The following INTS7 variants were observed in gnomAD, a reference collection of about 807,000 sequenced individuals.
INTS7 encodes integrator complex subunit 7.
Under a neutral mutation model 109.2 loss-of-function variants are expected in INTS7, and 46 were observed. That is an observed-to-expected ratio of 0.42 (90% CI 0.33 to 0.54). INTS7 has a LOEUF of 0.54. Ranked by LOEUF, INTS7 falls within the 20% of genes least tolerant of loss-of-function variation. The pLI, the probability that INTS7 is intolerant of heterozygous loss-of-function variation, is 0.07. For synonymous variants in INTS7, 412 were observed against 402.9 expected, an observed-to-expected ratio of 1.02 and a Z score of -0.27; for missense variants, 929 against 1,132.4, an observed-to-expected ratio of 0.82 and a Z score of 2.58.
Position 211,942,143 on chromosome 1 carries a change from T to C in INTS7, c.2602-32A>G. The stretch of plus-strand genomic sequence containing the variant: ...TGAAACAATTGTTAACTAACAACAA[T>C]GGCTAACATTTCTTCAGTGCTTACT... On this transcript the variant is annotated intron_variant, in intron 19 of 19. Coordinates refer to ENST00000366994, the MANE Select transcript of INTS7 (RefSeq NM_015434.4). The surrounding 1 kb of genome is among the most constrained non-coding windows in gnomAD (Gnocchi z 4.2). The C allele has an allele frequency of 6.2e-7, 1 of 1,602,234 alleles. No individual in the cohort carries two copies. The highest frequency in any genetic ancestry group is 8.5e-7 in the Non-Finnish European group (1 of 1,173,034).
intron 1 of INTS7, among the ~76,000 whole-genome samples, chr1:212,021,956 C>G (rs1666729950): frequency 6.6e-6 from 1 of 152,122 alleles, no homozygotes; most frequent in Non-Finnish European, 1.5e-5. Flanking sequence ...TGGGATGCAA[C>G]TAGAGTAGTG....
rs972427929 is a variant in INTS7 at position 211,956,932 on chromosome 1, G to A, written c.2184-4231C>T. ...TGGAAACATGTTTTCATTTCTCTTC[G>A]GTAGAACAGTAGGAATAGAATTGGT... On this transcript the variant is annotated intron_variant, in intron 16 of 19. Coordinates refer to ENST00000366994, the MANE Select transcript of INTS7 (RefSeq NM_015434.4). 3.9e-5 allele frequency among the ~76,000 whole-genome samples: 6 copies of A among 151,928 alleles called. No homozygotes were observed. The East Asian group carries it at 5.8e-4, about 15-fold the overall frequency.
rs1461665680 is a variant in INTS7 at position 211,946,673 on chromosome 1, A to G, written c.2349T>C (p.Ala783=). 3.7e-6 allele frequency: 6 copies of G among 1,613,612 alleles called. No homozygotes were observed. Among genetic ancestry groups the G allele is most frequent in the Non-Finnish European group, 4.2e-6 (5 of 1,179,536 alleles). The stretch of plus-strand genomic sequence containing the variant: ...GGAAAGAAAGGGGAACTTTCAGCAA[A>G]GCAATGATGGCATTGCAGAGGCATG... ...HTACLCNAII[A]LLKVPLSFQR... is the part of the protein sequence containing the mutation. The change falls in exon 18 of 20, where the codon GCT becomes GCC. Residue 783 remains alanine, a synonymous_variant. Transcript: ENST00000366994. This position sits in a 1 kb window ranked among gnomAD's most constrained non-coding sequence, Gnocchi z 4.3.
chr1:211,948,886 T>C (rs571239862), intron 17 of INTS7, among the ~76,000 whole-genome samples: 4 of 152,306 alleles, frequency 2.6e-5, no homozygotes, highest in South Asian at 2.1e-4. Flanking sequence ...TTTGTATTTT[T>C]AGTAGAGACA....
intron 13 of INTS7, among the ~76,000 whole-genome samples, chr1:211,974,926 C>G (rs1197843720): frequency 1.3e-5 from 2 of 152,198 alleles, no homozygotes; most frequent in Non-Finnish European, 2.9e-5. Flanking sequence ...ACCACTTACC[C>G]ATTCTGCATG....
At chr1:212,011,329 T>C in intron 5 of INTS7, 46 bp downstream of exon 5, 1 of 1,026,890 alleles carries the variant, frequency 9.7e-7, no homozygotes, top group Non-Finnish European at 1.5e-6. Flanking sequence ...GCAACTATTA[T>C]AAATCTAATT....
At chr1:212,017,957 T>A (rs1041404382) in intron 3 of INTS7, among the ~76,000 whole-genome samples, 3 of 152,200 alleles carry the variant, frequency 2.0e-5, no homozygotes, top group Non-Finnish European at 4.4e-5. Flanking sequence ...AACAAATGAC[T>A]ATTAATCTAT....
intron 10 of INTS7, among the ~76,000 whole-genome samples, chr1:211,978,917 C>G (rs1664535294): frequency 6.6e-6 from 1 of 152,036 alleles, no homozygotes; most frequent in African/African-American, 2.4e-5. Context: ...AATATAGATT[C>G]CTGAATTAAC....
chr1:211,995,115 ATTTTCAT>A (rs200769067), intron 7 of INTS7, among the ~76,000 whole-genome samples: 1,687 of 152,268 alleles, frequency 0.011, 31 homozygotes, highest in African/African-American at 0.038. Context: ...AGCCATCATA[ATTTTCAT>A]TCTTAATGTT....
intron 16 of INTS7, among the ~76,000 whole-genome samples, chr1:211,956,610 T>C (rs1165578357): frequency 6.6e-6 from 1 of 152,176 alleles, no homozygotes; most frequent in African/African-American, 2.4e-5. Context: ...CTATTAGTGA[T>C]TTATTTTTTT....
intron 1 of INTS7, among the ~76,000 whole-genome samples, chr1:212,021,475 C>A (rs1452283508): frequency 6.6e-6 from 1 of 151,574 alleles, no homozygotes; most frequent in Non-Finnish European, 1.5e-5. Context: ...AAATAAATCT[C>A]AACACATTTA....
Position 211,972,073 on chromosome 1 carries a change from T to G in INTS7, c.1815+3093A>C, listed in dbSNP as rs188539555. Among the ~76,000 whole-genome samples, 616 of 152,218 alleles carry G rather than the reference T, an allele frequency of 4.0e-3. 12 individuals are homozygous for G. Among genetic ancestry groups the G allele is most frequent in the Non-Finnish European group, 3.4e-3 (231 of 68,002 alleles). On this transcript the variant is annotated intron_variant, in intron 13 of 19. Transcript: ENST00000366994. ...GAGGTGCACATAAGAATTTTACTTTTTTTCTCTTTAGGAGACAGTGTCTTG... is the reference window on the plus strand; with the variant it reads ...GAGGTGCACATAAGAATTTTACTTTGTTTCTCTTTAGGAGACAGTGTCTTG...
At chr1:211,966,615 G>A in intron 15 of INTS7, 117 bp from the exon 16 acceptor site, 1 of 654,556 alleles carries the variant, frequency 1.5e-6, no homozygotes, top group Non-Finnish European at 2.7e-6. Flanking sequence ...TAATCATAAT[G>A]TTATCAACTC....
intron 7 of INTS7, among the ~76,000 whole-genome samples, chr1:211,998,136 TA>T (rs1242394961): frequency 1.3e-5 from 2 of 152,164 alleles, no homozygotes; most frequent in African/African-American, 4.8e-5. Context: ...TTTTTAAAAT[TA>T]TTTTTTTTGT....
chr1:211,998,013 G>C (rs1665488086), intron 7 of INTS7, among the ~76,000 whole-genome samples: 1 of 152,062 alleles, frequency 6.6e-6, no homozygotes, highest in Admixed American at 6.5e-5. Context: ...ATTTTACATG[G>C]AAAGGCAGTA....
At chr1:211,977,733 C>T (rs1235212123) in intron 11 of INTS7, among the ~76,000 whole-genome samples, 1 of 152,204 alleles carries the variant, frequency 6.6e-6, no homozygotes, top group African/African-American at 2.4e-5. Flanking sequence ...ATAGCTTCCA[C>T]AGCTTCTGTT....
intron 1 of INTS7, chr1:212,025,669 C>A: frequency 5.2e-6 from 1 of 193,754 alleles, no homozygotes; most frequent in Admixed American, 4.7e-5. Context: ...TGGATCCTGC[C>A]TGGAGTCACA....
rs1666718530 is a variant in INTS7 at position 212,021,740 on chromosome 1, G to A, written c.95-528C>T. Among the ~76,000 whole-genome samples, 3 of 151,316 alleles carry A rather than the reference G, an allele frequency of 2.0e-5. No homozygotes were observed. The South Asian group carries it at 6.3e-4, about 32-fold the overall frequency. ...GTGTGTGCCTGTGGACCCAGCTACT[G>A]AGGAGGCTGAGGTGGACGAATCACT... is the stretch of plus-strand genomic sequence containing the variant. On this transcript the variant is annotated intron_variant, in intron 1 of 19. Coordinates refer to ENST00000366994, the MANE Select transcript of INTS7 (RefSeq NM_015434.4).
intron 7 of INTS7, among the ~76,000 whole-genome samples, chr1:211,989,257 A>G (rs1441672235): frequency 6.6e-6 from 1 of 152,204 alleles, no homozygotes; most frequent in African/African-American, 2.4e-5. Context: ...ACTGGCAAGG[A>G]ATAGATTCAA....
Sources: gnomAD v4.1 joint callset for allele counts (sites outside exome capture counted in the v4.1 genomes callset) on GRCh38, gnomAD v4.1.1 for gene constraint, Gnocchi (gnomAD v3.1) non-coding constraint, MANE v1.5 for transcripts, NCBI Gene and HGNC (gene_info 2026-07-23, HGNC 2026-07-21) for gene names.